Variants in HMCN1 observed in about 807,000 individuals in gnomAD.
The protein encoded by HMCN1 is hemicentin-1.
Under a neutral mutation model 625.9 loss-of-function variants are expected in HMCN1, and 321 were observed. That is an observed-to-expected ratio of 0.51 (90% confidence interval 0.47 to 0.56). The LOEUF is 0.56. Among genes scored for constraint, HMCN1 ranks in the 20% least tolerant of loss-of-function variants. The probability of loss-of-function intolerance (pLI) is 0.00; values close to 1 mark genes in which losing one functional copy is unlikely to be tolerated. For synonymous variants in HMCN1, 2,425 were observed against 2,417.6 expected, an observed-to-expected ratio of 1.00 and a Z score of -0.09; for missense variants, 6,588 against 6,887.3, an observed-to-expected ratio of 0.96 and a Z score of 1.54.
intron 36 of HMCN1, among the ~76,000 whole-genome samples, chr1:186,037,724 C>T (rs1655929902): frequency 6.6e-6 from 1 of 152,026 alleles, no homozygotes; most frequent in African/African-American, 2.4e-5. Flanking sequence ...TATCTGGACA[C>T]AGAGAAATGT....
chr1:186,158,828 G>A (rs1287238753), intron 97 of HMCN1, among the ~76,000 whole-genome samples: 4 of 151,826 alleles, frequency 2.6e-5, no homozygotes, highest in Non-Finnish European at 4.4e-5. Flanking sequence ...ATGCTGTTTT[G>A]GTTACTGTAG....
intron 1 of HMCN1, among the ~76,000 whole-genome samples, chr1:185,782,230 C>T (rs1657175022): frequency 6.6e-6 from 1 of 152,174 alleles, no homozygotes; most frequent in East Asian, 1.9e-4. Context: ...TATTTTGAGC[C>T]TATGTGTTTC....
intron 1 of HMCN1, among the ~76,000 whole-genome samples, chr1:185,830,149 C>T (rs2102287100): frequency 6.6e-6 from 1 of 150,386 alleles, no homozygotes; most frequent in South Asian, 2.3e-4. Context: ...GGATATTAGA[C>T]CTTTGTCAGA....
chr1:186,050,527 G>A (rs1341185583), intron 42 of HMCN1, among the ~76,000 whole-genome samples: 3 of 151,974 alleles, frequency 2.0e-5, no homozygotes, highest in African/African-American at 4.8e-5. Context: ...GGAAACTAAC[G>A]ACAGTGTTGT....
chr1:185,995,965 G>A (rs1197058600), intron 24 of HMCN1, among the ~76,000 whole-genome samples: 2 of 152,154 alleles, frequency 1.3e-5, no homozygotes, highest in African/African-American at 2.4e-5. Flanking sequence ...ACTGTTCTAA[G>A]TATTAGTACA....
At chr1:185,740,993 C>T (rs1352407226) in intron 1 of HMCN1, among the ~76,000 whole-genome samples, 1 of 152,036 alleles carries the variant, frequency 6.6e-6, no homozygotes, top group Non-Finnish European at 1.5e-5. Flanking sequence ...GACTCTATCT[C>T]AAAAACAAAA....
chr1:186,095,850 A>G (rs1660114767), intron 68 of HMCN1, among the ~76,000 whole-genome samples: 1 of 152,150 alleles, frequency 6.6e-6, no homozygotes, highest in Non-Finnish European at 1.5e-5. Flanking sequence ...TTTGATGAAA[A>G]AGCATAATAG....
chr1:185,912,025 C>T (rs1392265146), intron 6 of HMCN1, among the ~76,000 whole-genome samples: 1 of 152,166 alleles, frequency 6.6e-6, no homozygotes, highest in Non-Finnish European at 1.5e-5. Flanking sequence ...GTTTTCCTAT[C>T]ATCAAATCTG....
intron 2 of HMCN1, among the ~76,000 whole-genome samples, chr1:185,861,895 T>C (rs1662895848): frequency 6.6e-6 from 1 of 152,188 alleles, no homozygotes; most frequent in South Asian, 2.1e-4. Context: ...CACTGTGCTA[T>C]GAACTGAGGA....
intron 7 of HMCN1, 132 bp downstream of exon 7, chr1:185,922,631 C>G (rs940919685): frequency 1.2e-6 from 1 of 811,252 alleles, no homozygotes; most frequent in East Asian, 2.9e-5. Flanking sequence ...TGTGACTGTT[C>G]TCTTGGCCTA....
At chr1:185,755,704 G>C (rs1404442858) in intron 1 of HMCN1, among the ~76,000 whole-genome samples, 1 of 152,164 alleles carries the variant, frequency 6.6e-6, no homozygotes, top group Non-Finnish European at 1.5e-5. Flanking sequence ...GACTGTGACA[G>C]ACCAGGGCAG....
At position 185,925,198 on chromosome 1, in the gene HMCN1, A is replaced by C; in HGVS notation, c.1430+7A>C. On this transcript the variant is annotated splice_region_variant and intron_variant, in intron 9 of 106. Coordinates refer to ENST00000271588, the MANE Select transcript of HMCN1 (RefSeq NM_031935.3). The stretch of plus-strand genomic sequence containing the variant: ...GAGTAGACCAGTATTTGAAGTAGGT[A>C]CATGTTTCTGTCAGTAATAAGATTC... 1 of 1,611,082 alleles carries C rather than the reference A, an allele frequency of 6.2e-7. No individual in the cohort carries two copies. The highest frequency in any genetic ancestry group is 8.5e-7 in the Non-Finnish European group (1 of 1,177,236).
chr1:185,846,535 T>A (rs1269103764), intron 2 of HMCN1, among the ~76,000 whole-genome samples: 1 of 152,224 alleles, frequency 6.6e-6, no homozygotes. Context: ...TGACTGTACA[T>A]ATAACTTGGT....
intron 1 of HMCN1, among the ~76,000 whole-genome samples, chr1:185,804,061 T>G (rs1287042414): frequency 6.6e-6 from 1 of 152,096 alleles, no homozygotes; most frequent in Non-Finnish European, 1.5e-5. Context: ...AATTCATCTC[T>G]TTTCATACCT....
chr1:185,864,395 A>G, intron 2 of HMCN1, 75 bp from the exon 3 acceptor site: 2 of 1,430,668 alleles, frequency 1.4e-6, no homozygotes, highest in East Asian at 2.3e-5. Flanking sequence ...AAAACTCCCA[A>G]AGCACCTTGT....
In HMCN1 at chr1:186,000,159, C is replaced by T; in HGVS notation, c.3989C>T (p.Pro1330Leu). 6.2e-7 allele frequency: 1 copy of T among 1,613,042 alleles called. No individual in the cohort carries two copies. The highest frequency in any genetic ancestry group is 8.5e-7 in the Non-Finnish European group (1 of 1,179,336). The stretch of plus-strand genomic sequence containing the variant: ...TTGCTGGTTATTGCTTCTGTTACAC[C>T]CTATGACAATGGGGAGTACATCTGT... ...GTLLVIASVT[P>L]YDNGEYICVA... The change falls in exon 26 of 107, where the codon CCC becomes CTC. Residue 1330 changes from proline (P) to leucine (L), a missense_variant. By Grantham distance (98) the Pro-to-Leu change is moderately conservative. Coordinates refer to ENST00000271588, the MANE Select transcript of HMCN1 (RefSeq NM_031935.3).
chr1:186,117,264 C>G, intron 76 of HMCN1, 149 bp downstream of exon 76: 1 of 1,183,536 alleles, frequency 8.4e-7, no homozygotes, highest in Middle Eastern at 2.5e-4. Context: ...TATGGGTAAA[C>G]TAGTGTCATG....
intron 100 of HMCN1, among the ~76,000 whole-genome samples, chr1:186,170,139 A>ATGCC (rs1652132717): frequency 6.6e-6 from 1 of 152,242 alleles, no homozygotes; most frequent in Non-Finnish European, 1.5e-5. Flanking sequence ...CGCAAGTTAG[A>ATGCC]ATGGCAATCA....
intron 55 of HMCN1, among the ~76,000 whole-genome samples, chr1:186,079,561 C>T (rs1003648242): frequency 7.9e-5 from 12 of 152,168 alleles, no homozygotes; most frequent in African/African-American, 2.7e-4. Flanking sequence ...CCCACTGAGT[C>T]ATGCAGGCCT....
Sources: allele counts gnomAD v4.1 joint callset (sites outside exome capture counted in the v4.1 genomes callset), GRCh38; gene constraint gnomAD v4.1.1; transcripts MANE v1.5; gene names NCBI Gene and HGNC (gene_info 2026-07-23, HGNC 2026-07-21).